Variants in PA2G4 observed in about 807,000 individuals in gnomAD.
PA2G4 encodes proliferation-associated 2G4.
A neutral mutation model predicts 53.3 loss-of-function variants in PA2G4; 8 were observed. The observed-to-expected ratio is 0.15, with a 90% CI of 0.09 to 0.27. The LOEUF is 0.27. Among genes scored for constraint, PA2G4 ranks in the 10% least tolerant of loss-of-function variants. The pLI is 1.00. For missense variants in PA2G4, 208 were observed against 486.8 expected, an observed-to-expected ratio of 0.43 and a Z score of 5.39; for synonymous variants, 143 against 169.8, an observed-to-expected ratio of 0.84 and a Z score of 1.23.
At position 56,109,290 on chromosome 12, in the gene PA2G4, G is replaced by T. The variant is rs1263402549; in HGVS notation, c.547G>T (p.Glu183Ter). ...CCACTCATTTAACTGCACGCCAATA[G>T]AAGGTGAGAACAGATAACAGGGTTG... ...VAHSFNCTPI[E>*]GMLSHQLKQH... The change falls in exon 6 of 13, where the codon GAA becomes TAA. Residue 183 changes from glutamate (E) to a stop codon, truncating the protein, a stop_gained. Coordinates refer to ENST00000303305, the MANE Select transcript of PA2G4 (RefSeq NM_006191.3). LOFTEE classifies it high-confidence loss of function. 6.2e-7 allele frequency: 1 copy of T among 1,609,424 alleles called. No homozygotes were observed. Among genetic ancestry groups the T allele is most frequent in the Non-Finnish European group, 8.5e-7 (1 of 1,177,484 alleles).
At chr12:56,104,963 T>C in intron 1 of PA2G4, 138 bp downstream of exon 1, 2 of 840,638 alleles carry the variant, frequency 2.4e-6, no homozygotes, top group Non-Finnish European at 4.1e-6. Context: ...CACGGCGTGG[T>C]GGGAAGACCC....
chr12:56,105,108 G>C, intron 1 of PA2G4: 1 of 666,854 alleles, frequency 1.5e-6, no homozygotes, highest in Admixed American at 2.0e-5. Flanking sequence ...GGCAAGACGT[G>C]TTTTCTCTTG....
intron 5 of PA2G4, among the ~76,000 whole-genome samples, chr12:56,108,583 A>G (rs1296240761): frequency 6.6e-6 from 1 of 152,236 alleles, no homozygotes; most frequent in East Asian, 1.9e-4. Flanking sequence ...ATTCTGCCCA[A>G]CTGTAGGATA....
Position 56,104,590 on chromosome 12 carries a change from C to T in PA2G4, c.-148C>T, listed in dbSNP as rs1452530503. The T allele has an allele frequency of 2.4e-6, 2 of 829,414 alleles. No homozygotes were observed. The highest frequency in any genetic ancestry group is 4.3e-6 in the Non-Finnish European group (2 of 469,682). The allele number at this position is 829,414 out of a possible 1,614,324, so 51.4% of individuals were successfully genotyped here. ...CGCGCTCGCAGCTTCTCGCTCTCGCCTGCCTGCCCGCTCCCTTGCTTGCTC... is the reference window on the plus strand; with the variant it reads ...CGCGCTCGCAGCTTCTCGCTCTCGCTTGCCTGCCCGCTCCCTTGCTTGCTC... On this transcript the variant is annotated 5_prime_UTR_variant, in exon 1 of 13. Coordinates refer to ENST00000303305, the MANE Select transcript of PA2G4 (RefSeq NM_006191.3).
Position 56,111,506 on chromosome 12 carries a change from A to T in PA2G4, c.1096A>T (p.Thr366Ser), listed in dbSNP as rs1869422929. 6.2e-7 allele frequency: 1 copy of T among 1,613,342 alleles called. No individual in the cohort carries two copies. Among genetic ancestry groups the T allele is most frequent in the East Asian group, 2.2e-5 (1 of 44,826 alleles). The change falls in exon 12 of 13, where the codon ACC (threonine) becomes TCC (serine). Residue 366 changes from threonine (T) to serine (S), a missense_variant. Coordinates refer to ENST00000303305, the MANE Select transcript of PA2G4 (RefSeq NM_006191.3). Reference protein sequence around the residue: ...ALLQSSASRKTQKKKKKKASK... With the variant: ...ALLQSSASRKSQKKKKKKASK... ...CCTCCAGAGTTCTGCAAGTCGAAAA[A>T]CCCAGAAAAAGAAAAAAAAGAAGGT...
intron 12 of PA2G4, 95 bp from the exon 13 acceptor site, chr12:56,112,728 G>C (rs1027648915): frequency 2.3e-5 from 20 of 857,808 alleles, no homozygotes; most frequent in Non-Finnish European, 3.6e-5. Context: ...GAGTGAGACT[G>C]TCTCAGAAAA....
At chr12:56,104,933 G>T (rs988235737) in intron 1 of PA2G4, 108 bp downstream of exon 1, 5 of 1,004,960 alleles carry the variant, frequency 5.0e-6, no homozygotes, top group African/African-American at 1.6e-5. Flanking sequence ...CTACTGAGGG[G>T]CCCGCACCGG....
chr12:56,105,152 T>C (rs2136838284), intron 1 of PA2G4: 2 of 572,582 alleles, frequency 3.5e-6, no homozygotes, highest in South Asian at 3.0e-5. Flanking sequence ...TTGCTTCCTC[T>C]GATTCTGGCA....
At chr12:56,110,737 C>T (rs1236992982) in intron 9 of PA2G4, 45 bp downstream of exon 9, 2 of 1,609,700 alleles carry the variant, frequency 1.2e-6, no homozygotes, top group African/African-American at 1.3e-5. Context: ...ACTCACAGAC[C>T]ATACACCCAG....
At chr12:56,109,376 T>C in intron 6 of PA2G4, 83 bp downstream of exon 6, 1 of 1,007,750 alleles carries the variant, frequency 9.9e-7, no homozygotes, top group Admixed American at 1.8e-5. Context: ...TCCCAGAACT[T>C]TGGGAGGCTG....
chr12:56,110,057 C>G (rs898701029), intron 7 of PA2G4, 122 bp downstream of exon 7: 1 of 753,344 alleles, frequency 1.3e-6, no homozygotes, highest in Middle Eastern at 2.3e-4. Flanking sequence ...ACCTGTTGCT[C>G]TTAATATTCC....
At position 56,111,477 on chromosome 12, in the gene PA2G4, C is replaced by T. The variant is rs1018968003; in HGVS notation, c.1067C>T (p.Ala356Val). The T allele has an allele frequency of 2.0e-5, 33 of 1,613,474 alleles. No individual in the cohort carries two copies. Among genetic ancestry groups the T allele is most frequent in the Non-Finnish European group, 2.5e-5 (30 of 1,179,874 alleles). Residue 356 changes from alanine (A) to valine (V), a missense_variant and splice_region_variant, in exon 12 of 13, where the codon GCC becomes GTC. Ala to Val is a moderately conservative substitution (Grantham distance 64). Coordinates refer to ENST00000303305, the MANE Select transcript of PA2G4 (RefSeq NM_006191.3). The part of the protein sequence containing the change: ...EMEVQDAELK[A>V]LLQSSASRKT... Reference sequence around the variant, plus strand: ...TTTTCCCTTCTTCCTGTTTTCCAGGCCCTCCTCCAGAGTTCTGCAAGTCGA... The same window carrying T: ...TTTTCCCTTCTTCCTGTTTTCCAGGTCCTCCTCCAGAGTTCTGCAAGTCGA...
At chr12:56,112,301 G>T (rs1281840528) in intron 12 of PA2G4, among the ~76,000 whole-genome samples, 1 of 152,216 alleles carries the variant, frequency 6.6e-6, no homozygotes, top group Non-Finnish European at 1.5e-5. Flanking sequence ...TCATAGCTTA[G>T]CCTGGCCTAC....
chr12:56,113,132 T>TA lies in PA2G4; in HGVS notation c.*246dup, dbSNP rs1359009394. On this transcript the variant is annotated 3_prime_UTR_variant, in exon 13 of 13. Transcript: ENST00000303305. ...CTTTAAATGAAAAAAAGAAATTGAATAATAAAATCAGGAGTCAAAATTCAT... is the reference window on the plus strand; with the variant it reads ...CTTTAAATGAAAAAAAGAAATTGAATAAATAAAATCAGGAGTCAAAATTCAT... 2.7e-6 allele frequency: 1 copy of TA among 364,920 alleles called. No homozygotes were observed. 22.6% of individuals were successfully genotyped at this position (364,920 alleles called of 1,614,324 possible).
chr12:56,106,034 A>G (rs1040140942), intron 1 of PA2G4: 1 of 152,170 alleles, frequency 6.6e-6, no homozygotes, highest in South Asian at 2.1e-4. Flanking sequence ...GAATCAGAAA[A>G]TCTCTTACAG....
chr12:56,111,381 A>G (rs1869419045), intron 11 of PA2G4, 72 bp downstream of exon 11: 1 of 1,603,592 alleles, frequency 6.2e-7, no homozygotes, highest in Non-Finnish European at 8.5e-7. Flanking sequence ...AATGCCAGCA[A>G]AGTCCTGAAA....
At chr12:56,109,166 T>C in intron 5 of PA2G4, 64 bp from the exon 6 acceptor site, 5 of 1,069,352 alleles carry the variant, frequency 4.7e-6, no homozygotes, top group Non-Finnish European at 5.7e-6. Context: ...ATGCTTCTTA[T>C]TCTCATTGTA....
chr12:56,111,262 C>G lies in PA2G4; in HGVS notation c.1018C>G (p.Pro340Ala), dbSNP rs138090957. ...PMRITSGPFE[P>A]DLYKSEMEVQ... ...GCGGATAACCAGTGGTCCCTTCGAGCCTGACCTCTACAAGTCTGAGATGGA... is the reference window on the plus strand; with the variant it reads ...GCGGATAACCAGTGGTCCCTTCGAGGCTGACCTCTACAAGTCTGAGATGGA... Residue 340 changes from proline to alanine, a missense_variant, in exon 11 of 13, where the codon CCT (proline) becomes GCT (alanine). Pro to Ala is a conservative substitution (Grantham distance 27). Coordinates refer to ENST00000303305, the MANE Select transcript of PA2G4 (RefSeq NM_006191.3). 6.2e-7 allele frequency: 1 copy of G among 1,614,152 alleles called. No homozygotes were observed. The highest frequency in any genetic ancestry group is 8.5e-7 in the Non-Finnish European group (1 of 1,180,008).
chr12:56,104,983 C>A, intron 1 of PA2G4, 158 bp downstream of exon 1: 1 of 756,770 alleles, frequency 1.3e-6, no homozygotes, highest in Non-Finnish European at 2.3e-6. Context: ...CGGTGTCGCG[C>A]CTGGGACCTG....
Sources: gnomAD v4.1 joint callset for allele counts (sites outside exome capture counted in the v4.1 genomes callset) on GRCh38, gnomAD v4.1.1 for gene constraint, MANE v1.5 for transcripts, NCBI Gene and HGNC (gene_info 2026-07-23, HGNC 2026-07-21) for gene names.